Variants in GPR139 observed in about 807,000 individuals in gnomAD.
The protein encoded by GPR139 is G protein-coupled receptor 139, also known as probable G protein-coupled receptor 139.
In GPR139, 12 loss-of-function variants were observed where a neutral mutation model predicts 25.8. The observed-to-expected ratio is 0.47, with a 90% CI of 0.30 to 0.75. GPR139 has a LOEUF of 0.75. Among genes scored for constraint, GPR139 ranks in the 30% least tolerant of loss-of-function variants. The probability of loss-of-function intolerance (pLI) is 0.07; values close to 1 mark genes in which losing one functional copy is unlikely to be tolerated. For synonymous variants in GPR139, 184 were observed against 179.9 expected (o/e 1.02, Z -0.18); for missense variants, 380 against 450.2 (o/e 0.84, Z 1.41).
intron 1 of GPR139, among the ~76,000 whole-genome samples, chr16:20,059,485 A>C (rs961086291): frequency 6.6e-6 from 1 of 152,088 alleles, no homozygotes; most frequent in African/African-American, 2.4e-5. Flanking sequence ...CCACCTCATT[A>C]TTTAGGTCTC....
chr16:20,060,067 C>G (rs2057406021), intron 1 of GPR139, among the ~76,000 whole-genome samples: 1 of 152,160 alleles, frequency 6.6e-6, no homozygotes, highest in Non-Finnish European at 1.5e-5. Context: ...GCTCTCTCTC[C>G]AACCACTGCC....
intron 1 of GPR139, among the ~76,000 whole-genome samples, chr16:20,067,942 A>G (rs973774837): frequency 3.3e-5 from 5 of 152,160 alleles, no homozygotes; most frequent in African/African-American, 1.2e-4. Context: ...GTGGATGATT[A>G]ATATATTAAG....
At chr16:20,033,872 A>G (rs1468692371) in intron 1 of GPR139, among the ~76,000 whole-genome samples, 4 of 151,920 alleles carry the variant, frequency 2.6e-5, no homozygotes, top group Non-Finnish European at 5.9e-5. Context: ...AAAAACTGCA[A>G]TTACTTTTGC....
chr16:20,060,368 A>G (rs1299229835), intron 1 of GPR139, among the ~76,000 whole-genome samples: 2 of 150,442 alleles, frequency 1.3e-5, no homozygotes, highest in African/African-American at 4.9e-5. Flanking sequence ...GTGCAAGTTG[A>G]TGTGTACTTC....
chr16:20,070,869 A>G (rs1596472784), intron 1 of GPR139: 1 of 793,732 alleles, frequency 1.3e-6, no homozygotes, highest in South Asian at 5.7e-5. Context: ...TGGGGAAGGG[A>G]GGTGATGGGT....
At chr16:20,068,458 T>C (rs2057445067) in intron 1 of GPR139, among the ~76,000 whole-genome samples, 1 of 152,176 alleles carries the variant, frequency 6.6e-6, no homozygotes, top group Admixed American at 6.5e-5. Context: ...ATACTAACCA[T>C]GTATCTTGCA....
chr16:20,038,725 G>A (rs2057320066), intron 1 of GPR139, among the ~76,000 whole-genome samples: 2 of 152,138 alleles, frequency 1.3e-5, no homozygotes, highest in South Asian at 2.1e-4. Context: ...GAGGGGAATG[G>A]TGCGGTTCCT....
chr16:20,073,730 C>T lies in GPR139; in HGVS notation c.-114G>A, dbSNP rs1397277900. On this transcript the variant is annotated 5_prime_UTR_variant, in exon 1 of 2. Coordinates refer to ENST00000570682, the MANE Select transcript of GPR139 (RefSeq NM_001002911.4). The surrounding 1 kb of genome is among the most constrained non-coding windows in gnomAD (Gnocchi z 4.7). ...AGCGGCAGCTGGAGCAGCAGCGCCT[C>T]TCTCCCCGCAGGACTGGCTCCTACC... 6 of 1,333,508 alleles carry T rather than the reference C, an allele frequency of 4.5e-6. No homozygotes were observed. The East Asian group carries it at 7.7e-5, about 17-fold the overall frequency. 82.6% of individuals were successfully genotyped at this position (1,333,508 alleles called of 1,614,324 possible). A position where few individuals can be genotyped will look rare whatever the true frequency, so the allele number is the denominator to read the frequency against.
intron 1 of GPR139, among the ~76,000 whole-genome samples, chr16:20,071,515 A>G (rs1021807126): frequency 6.6e-6 from 1 of 152,222 alleles, no homozygotes; most frequent in African/African-American, 2.4e-5. Context: ...AATACTTAGC[A>G]TACCATAGTG....
At chr16:20,039,418 C>G (rs1049166555) in intron 1 of GPR139, among the ~76,000 whole-genome samples, 3 of 152,198 alleles carry the variant, frequency 2.0e-5, no homozygotes, top group Admixed American at 6.5e-5. Context: ...GCTACATTGC[C>G]TTTTTCTTGT....
At chr16:20,052,896 G>A (rs2764774) in intron 1 of GPR139, among the ~76,000 whole-genome samples, 9,411 of 151,974 alleles carry the variant, frequency 0.062, 921 homozygotes, top group African/African-American at 0.21. Context: ...ACATGTGCAG[G>A]ATGTGCAGGT....
Position 20,029,814 on chromosome 16 carries a change from G to A in GPR139, c.*1921C>T, listed in dbSNP as rs1185500234. Among the ~76,000 whole-genome samples, 2 of 152,076 alleles carry A rather than the reference G, an allele frequency of 1.3e-5. No individual in the cohort carries two copies. Among genetic ancestry groups the A allele is most frequent in the Non-Finnish European group, 2.9e-5 (2 of 68,028 alleles). ...AGATACATTAGAATCACACAATATG[G>A]TCCCTAAATGAGAGCCAATTCTGTC... On this transcript the variant is annotated 3_prime_UTR_variant, in exon 2 of 2. Transcript: ENST00000570682.
chr16:20,038,890 G>A (rs996642244), intron 1 of GPR139, among the ~76,000 whole-genome samples: 3 of 152,022 alleles, frequency 2.0e-5, no homozygotes, highest in Admixed American at 6.6e-5. Context: ...GGGTCTGTGT[G>A]TATTTATAAG....
In GPR139 at chr16:20,030,911, G is replaced by A. The variant is rs774745870; in HGVS notation, c.*824C>T. Among the ~76,000 whole-genome samples, 52 of 152,184 alleles carry A rather than the reference G, an allele frequency of 3.4e-4. No homozygotes were observed. Among genetic ancestry groups the A allele is most frequent in the Non-Finnish European group, 5.6e-4 (38 of 68,032 alleles). On this transcript the variant is annotated 3_prime_UTR_variant, in exon 2 of 2. Transcript: ENST00000570682. ...AGAAGCAATTTTGAGTAACGGGATC[G>A]TATGCAGCTGACACAGGGATGGGTT...
chr16:20,067,342 A>G (rs189491027), intron 1 of GPR139, among the ~76,000 whole-genome samples: 1 of 152,262 alleles, frequency 6.6e-6, no homozygotes, highest in East Asian at 1.9e-4. Context: ...GAGACCCATT[A>G]ATAATAACTC....
intron 1 of GPR139, among the ~76,000 whole-genome samples, chr16:20,035,691 A>G (rs746935795): frequency 7.9e-5 from 12 of 152,222 alleles, no homozygotes; most frequent in Non-Finnish European, 1.3e-4. Context: ...GATTTGGAAG[A>G]CCAGGAAGAG....
chr16:20,056,832 T>G (rs990817947), intron 1 of GPR139, among the ~76,000 whole-genome samples: 1 of 152,092 alleles, frequency 6.6e-6, no homozygotes, highest in Non-Finnish European at 1.5e-5. Flanking sequence ...GAGGAGAAAT[T>G]TTTTTCAGGG....
At chr16:20,058,705 C>T (rs531903936) in intron 1 of GPR139, among the ~76,000 whole-genome samples, 8 of 152,306 alleles carry the variant, frequency 5.3e-5, no homozygotes, top group South Asian at 4.1e-4. Context: ...GATGTCCCTC[C>T]GTCACGCTGG....
rs2057466948 is a variant in GPR139 at position 20,073,290 on chromosome 16, G to GCGCA, written c.127+199_127+200insTGCG. ...CACACACACACACACGCTCGCGCGC[G>GCGCA]CACACACACACACACGGTCCCCAGC... On this transcript the variant is annotated intron_variant, in intron 1 of 1. Transcript: ENST00000570682. This position sits in a 1 kb window ranked among gnomAD's most constrained non-coding sequence, Gnocchi z 4.7. Among the ~76,000 whole-genome samples, 1 of 149,948 alleles carries GCGCA rather than the reference G, an allele frequency of 6.7e-6. No individual in the cohort carries two copies. Among genetic ancestry groups the GCGCA allele is most frequent in the Non-Finnish European group, 1.5e-5 (1 of 67,426 alleles).
Sources: allele counts gnomAD v4.1 joint callset (sites outside exome capture counted in the v4.1 genomes callset), GRCh38; gene constraint gnomAD v4.1.1; non-coding constraint Gnocchi (gnomAD v3.1); transcripts MANE v1.5; gene names NCBI Gene and HGNC (gene_info 2026-07-23, HGNC 2026-07-21).